Variants in FILIP1L observed in about 807,000 individuals in gnomAD.
The protein encoded by FILIP1L is filamin A-interacting protein 1-like.
FILIP1L carries 55 observed loss-of-function variants against 96.6 expected under a neutral mutation model. The observed-to-expected ratio is 0.57, with a 90% CI of 0.46 to 0.71. FILIP1L has a LOEUF of 0.71. Ranked by LOEUF, FILIP1L falls within the 30% of genes least tolerant of loss-of-function variation. The pLI is 0.00. For missense variants in FILIP1L, 1,304 were observed against 1,321.2 expected (o/e 0.99, Z 0.20); for synonymous variants, 467 against 473.9 (o/e 0.99, Z 0.19).
intron 4 of FILIP1L, among the ~76,000 whole-genome samples, chr3:99,894,157 G>A (rs1706175575): frequency 6.6e-6 from 1 of 152,232 alleles, no homozygotes; most frequent in African/African-American, 2.4e-5. Context: ...ACAGCTAGGA[G>A]TTGGTTGGAG....
At chr3:99,831,265 T>G (rs1237695654) in intron 5 of FILIP1L, among the ~76,000 whole-genome samples, 1 of 152,250 alleles carries the variant, frequency 6.6e-6, no homozygotes, top group African/African-American at 2.4e-5. Flanking sequence ...TACTTAGATA[T>G]GTTAAAAGTA....
chr3:100,113,149 C>T lies in FILIP1L; in HGVS notation c.-11+904G>A, dbSNP rs142374698. Among the ~76,000 whole-genome samples the T allele has an allele frequency of 5.0e-3, 754 of 152,274 alleles. 5 individuals are homozygous for T. Among genetic ancestry groups the T allele is most frequent in the African/African-American group, 0.017 (711 of 41,556 alleles). On this transcript the variant is annotated intron_variant, in intron 1 of 5. Transcript: ENST00000477258. ...TAATGAATAAAGAAAGATATGTAAT[C>T]ATTAATTGGTATGGAAAGAAAAAAG...
At chr3:99,928,192 C>T (rs181247773) in intron 3 of FILIP1L, among the ~76,000 whole-genome samples, 8 of 152,342 alleles carry the variant, frequency 5.3e-5, no homozygotes, top group Admixed American at 5.2e-4. Context: ...TTCTTCAGCC[C>T]TGTGTAGGAA....
chr3:99,938,079 G>GCA (rs1453411869), intron 1 of FILIP1L, among the ~76,000 whole-genome samples: 6 of 142,432 alleles, frequency 4.2e-5, no homozygotes, highest in Non-Finnish European at 6.4e-5. Context: ...GTGTGTGCGC[G>GCA]CGCGCGCGCG....
At chr3:99,999,346 A>G (rs1020788080) in intron 1 of FILIP1L, among the ~76,000 whole-genome samples, 1 of 152,214 alleles carries the variant, frequency 6.6e-6, no homozygotes, top group African/African-American at 2.4e-5. Flanking sequence ...GAAGGCGTGT[A>G]TATTCCCTGC....
intron 1 of FILIP1L, among the ~76,000 whole-genome samples, chr3:99,959,405 C>T (rs1194172913): frequency 6.6e-6 from 1 of 152,234 alleles, no homozygotes; most frequent in Non-Finnish European, 1.5e-5. Flanking sequence ...CTGACTCAGA[C>T]TCCCAAAGTG....
intron 5 of FILIP1L, among the ~76,000 whole-genome samples, chr3:99,847,210 G>A (rs2107517920): frequency 6.6e-6 from 1 of 151,178 alleles, no homozygotes; most frequent in African/African-American, 2.4e-5. Flanking sequence ...AAAAAAAACT[G>A]TAAGAGGTTA....
rs566659061 is a variant in FILIP1L at position 99,947,547 on chromosome 3, C to G, written c.-10-16517G>C. Among the ~76,000 whole-genome samples, 38 of 152,252 alleles carry G rather than the reference C, an allele frequency of 2.5e-4. No homozygotes were observed. In the South Asian group the frequency reaches 6.2e-3, roughly 25 times the overall value. ...AGGAACCTTGACTTTGTCTGGACTTCACAAAACTGGCAGGAGTCCATGAGA... is the reference window on the plus strand; with the variant it reads ...AGGAACCTTGACTTTGTCTGGACTTGACAAAACTGGCAGGAGTCCATGAGA... On this transcript the variant is annotated intron_variant, in intron 1 of 5. Coordinates refer to ENST00000477258, the MANE Select transcript of FILIP1L (RefSeq NM_001387850.1).
rs1705463398 is a variant in FILIP1L at position 99,875,472 on chromosome 3, C to T, written c.606-24402G>A. Among the ~76,000 whole-genome samples the T allele has an allele frequency of 7.9e-5, 12 of 152,276 alleles. No individual in the cohort carries two copies. The South Asian group carries it at 2.5e-3, about 32-fold the overall frequency. On this transcript the variant is annotated intron_variant, in intron 4 of 5. Coordinates refer to ENST00000477258, the MANE Select transcript of FILIP1L (RefSeq NM_001387850.1). ...TGAAGCAGAAAGTTAGAACTCAAAA[C>T]TATGATAGTTACTTCCTTGTACAAA...
At chr3:100,058,428 ACACATAGTTAAGTGAGG>A (rs1468225525) in intron 1 of FILIP1L, among the ~76,000 whole-genome samples, 7 of 152,194 alleles carry the variant, frequency 4.6e-5, no homozygotes, top group Admixed American at 2.0e-4. Context: ...AGAAAAGTTG[ACACATAGTTAAGTGAGG>A]CACAAGTCTG....
chr3:99,990,878 A>G (rs1709490539), intron 1 of FILIP1L, among the ~76,000 whole-genome samples: 1 of 152,162 alleles, frequency 6.6e-6, no homozygotes, highest in Non-Finnish European at 1.5e-5. Context: ...ATATTTGTTG[A>G]CTCCCATCTA....
intron 1 of FILIP1L, among the ~76,000 whole-genome samples, chr3:99,932,834 T>G (rs956046975): frequency 2.0e-5 from 3 of 152,138 alleles, no homozygotes; most frequent in African/African-American, 7.2e-5. Context: ...GAGGTTGCAT[T>G]GAGCCAAGAT....
At chr3:99,983,486 A>ATATATATATG (rs1709227610) in intron 1 of FILIP1L, among the ~76,000 whole-genome samples, 1 of 23,562 alleles carries the variant, frequency 4.2e-5, no homozygotes, top group East Asian at 2.3e-3. Flanking sequence ...ATATATATAT[A>ATATATATATG]TATATATATA....
intron 1 of FILIP1L, among the ~76,000 whole-genome samples, chr3:100,000,918 C>T (rs917565490): frequency 4.6e-5 from 7 of 152,164 alleles, no homozygotes; most frequent in South Asian, 2.1e-4. Flanking sequence ...AGTTGACCTA[C>T]GGCAAGACAC....
chr3:100,039,765 T>G (rs2065171289), intron 1 of FILIP1L: 1 of 151,990 alleles, frequency 6.6e-6, no homozygotes, highest in Non-Finnish European at 1.5e-5. Flanking sequence ...TCTTTTTTTT[T>G]TTTTTTGAGA....
At chr3:99,883,496 T>G (rs1241657750) in intron 4 of FILIP1L, among the ~76,000 whole-genome samples, 3 of 152,142 alleles carry the variant, frequency 2.0e-5, no homozygotes, top group Non-Finnish European at 4.4e-5. Flanking sequence ...ATCCTCCCCT[T>G]TTATAGGCTA....
chr3:99,940,455 C>T (rs1043478097), intron 1 of FILIP1L, among the ~76,000 whole-genome samples: 2 of 152,086 alleles, frequency 1.3e-5, no homozygotes, highest in Non-Finnish European at 2.9e-5. Context: ...AATTTTTGTC[C>T]GTTTGGACCT....
At chr3:100,056,897 G>C (rs370015829) in intron 1 of FILIP1L, among the ~76,000 whole-genome samples, 1 of 151,870 alleles carries the variant, frequency 6.6e-6, no homozygotes, top group Non-Finnish European at 1.5e-5. Context: ...CCAGCTACTC[G>C]GGAGGCTGAG....
intron 1 of FILIP1L, among the ~76,000 whole-genome samples, chr3:99,989,024 T>C (rs1709435826): frequency 6.6e-6 from 1 of 152,202 alleles, no homozygotes; most frequent in Non-Finnish European, 1.5e-5. Flanking sequence ...AAGGAAAAAT[T>C]AGGAATTATT....
Sources: gnomAD v4.1 joint callset for allele counts (sites outside exome capture counted in the v4.1 genomes callset) on GRCh38, gnomAD v4.1.1 for gene constraint, MANE v1.5 for transcripts, NCBI Gene and HGNC (gene_info 2026-07-23, HGNC 2026-07-21) for gene names.